The following DGAT1 variants were observed in gnomAD, a reference collection of about 807,000 sequenced individuals.
The protein encoded by DGAT1 is diacylglycerol O-acyltransferase 1.
DGAT1 carries 60 observed loss-of-function variants against 72.6 expected under a neutral mutation model. That is an observed-to-expected ratio of 0.83 (90% CI 0.67 to 1.02). The LOEUF is 1.02. Ranked by LOEUF, DGAT1 falls within the 50% of genes least tolerant of loss-of-function variation. The pLI is 0.00. For synonymous variants in DGAT1, 290 were observed against 267.5 expected, an observed-to-expected ratio of 1.08 and a Z score of -0.82; for missense variants, 592 against 670.0, an observed-to-expected ratio of 0.88 and a Z score of 1.29.
chr8:144,326,493 G>A lies in DGAT1; in HGVS notation c.144C>T (p.Ala48=), dbSNP rs782810872. Residue 48 remains alanine, a synonymous_variant, in exon 1 of 17, where the codon GCC becomes GCT. Coordinates refer to ENST00000528718, the MANE Select transcript of DGAT1 (RefSeq NM_012079.6). ...PDVGAAGDAP[A]PAPNKDGDAG... The stretch of plus-strand genomic sequence containing the variant: ...CGTCTCCGTCCTTGTTGGGGGCCGG[G>A]GCTGGCGCGTCCCCCGCGGCTCCCA... 54 of 1,291,192 alleles carry A rather than the reference G, an allele frequency of 4.2e-5. No individual in the cohort carries two copies. Among genetic ancestry groups the A allele is most frequent in the Non-Finnish European group, 5.1e-5 (52 of 1,015,192 alleles). 80.0% of individuals were successfully genotyped at this position (1,291,192 alleles called of 1,614,324 possible). A position where few individuals can be genotyped will look rare whatever the true frequency, so the allele number is the denominator to read the frequency against.
Position 144,326,537 on chromosome 8 carries a change from C to T in DGAT1, c.100G>A (p.Ala34Thr). Residue 34 changes from alanine (A) to threonine (T), a missense_variant, in exon 1 of 17, where the codon GCC (alanine) becomes ACC (threonine). Coordinates refer to ENST00000528718, the MANE Select transcript of DGAT1 (RefSeq NM_012079.6). ...PAAAEEEVRDAAAGPDVGAAG... is the reference protein window; with the variant it reads ...PAAAEEEVRDTAAGPDVGAAG... ...GCTCCCACGTCGGGGCCCGCAGCGG[C>T]GTCCCGCACCTCCTCTTCCGCCGCC... The T allele has an allele frequency of 3.9e-6, 5 of 1,267,230 alleles. No homozygotes were observed. The highest frequency in any genetic ancestry group is 4.0e-6 in the Non-Finnish European group (4 of 1,005,666). 78.5% of individuals were successfully genotyped at this position (1,267,230 alleles called of 1,614,324 possible). A position where few individuals can be genotyped will look rare whatever the true frequency, so the allele number is the denominator to read the frequency against.
At chr8:144,318,957 G>A (rs947063588) in intron 3 of DGAT1, 37 bp from the exon 4 acceptor site, 3 of 1,578,300 alleles carry the variant, frequency 1.9e-6, no homozygotes, top group Non-Finnish European at 2.6e-6. Flanking sequence ...GTGGGTGGCA[G>A]GTGGGGCTGT....
rs191371257 is a variant in DGAT1 at position 144,318,067 on chromosome 8, C to T, written c.751+28G>A. 2,211 of 1,520,530 alleles carry T rather than the reference C, an allele frequency of 1.5e-3. 32 individuals carry two copies. In the African/African-American group the frequency reaches 0.028, roughly 19 times the overall value. The allele number at this position is 1,520,530 out of a possible 1,614,324, so 94.2% of individuals were successfully genotyped here. On this transcript the variant is annotated intron_variant, in intron 8 of 16. Transcript: ENST00000528718. Reference sequence around the variant, plus strand: ...ACCAGAACAGGCCCAGCCTGTCCCCCGCACCTCAGGCCCACAGAGGTCCTC... The same window carrying T: ...ACCAGAACAGGCCCAGCCTGTCCCCTGCACCTCAGGCCCACAGAGGTCCTC...
intron 1 of DGAT1, 71 bp from the exon 2 acceptor site, chr8:144,321,479 GC>G: frequency 7.1e-7 from 1 of 1,399,750 alleles, no homozygotes. Flanking sequence ...CAGGATCCAG[GC>G]CCCCACCCCA....
At position 144,316,026 on chromosome 8, in the gene DGAT1, G is replaced by A; in HGVS notation, c.*528C>T. 1.3e-6 allele frequency: 1 copy of A among 778,422 alleles called. No homozygotes were observed. Among genetic ancestry groups the A allele is most frequent in the Non-Finnish European group, 1.6e-6 (1 of 639,302 alleles). 48.2% of individuals were successfully genotyped at this position (778,422 alleles called of 1,614,324 possible). A position where few individuals can be genotyped will look rare whatever the true frequency, so the allele number is the denominator to read the frequency against. ...TGCAAGTTGACCATCCTGCACTGAGGGCCAGAGTGCCGATTCCCGCACACC... is the reference window on the plus strand; with the variant it reads ...TGCAAGTTGACCATCCTGCACTGAGAGCCAGAGTGCCGATTCCCGCACACC... On this transcript the variant is annotated 3_prime_UTR_variant, in exon 17 of 17. Transcript: ENST00000528718.
Position 144,326,707 on chromosome 8 carries a change from C to T in DGAT1, c.-71G>A. 9.0e-7 allele frequency: 1 copy of T among 1,111,402 alleles called. No individual in the cohort carries two copies. Among genetic ancestry groups the T allele is most frequent in the African/African-American group, 1.7e-5 (1 of 60,076 alleles). 68.8% of individuals were successfully genotyped at this position (1,111,402 alleles called of 1,614,324 possible). The stretch of plus-strand genomic sequence containing the variant: ...TTCGTAGCGCCCGAGGCGCGCGGCC[C>T]CACCTCCGGGCCCTAGACAACGGCC... On this transcript the variant is annotated 5_prime_UTR_variant, in exon 1 of 17. Transcript: ENST00000528718.
At chr8:144,322,345 A>G (rs1195365268) in intron 1 of DGAT1, among the ~76,000 whole-genome samples, 1 of 152,182 alleles carries the variant, frequency 6.6e-6, no homozygotes, top group Non-Finnish European at 1.5e-5. Context: ...GACACCACAC[A>G]CAGCATTGAG....
At chr8:144,324,022 C>A (rs1179170318) in intron 1 of DGAT1, among the ~76,000 whole-genome samples, 1 of 152,220 alleles carries the variant, frequency 6.6e-6, no homozygotes, top group African/African-American at 2.4e-5. Context: ...GGACAAAACA[C>A]CCTGGGAGAA....
rs782630054 is a variant in DGAT1, at chr8:144,317,353, C to T, written c.1074G>A (p.Arg358=). Reference sequence around the variant, plus strand: ...CTCACCACCAGTCCCGGTAGAACTCCCGGTCTCCAAACTGCATGAGCTCAG... The same window carrying T: ...CTCACCACCAGTCCCGGTAGAACTCTCGGTCTCCAAACTGCATGAGCTCAG... ...AVAELMQFGD[R]EFYRDWWNSE... is the part of the protein sequence containing the mutation. Residue 358 remains arginine, a synonymous_variant, in exon 13 of 17, where the codon CGG becomes CGA. Transcript: ENST00000528718. 8 of 1,613,768 alleles carry T rather than the reference C, an allele frequency of 5.0e-6. 1 individual carries two copies. The highest frequency in any genetic ancestry group is 3.3e-5 in the South Asian group (3 of 91,082).
chr8:144,317,274 G>A (rs1554847256), intron 13 of DGAT1, 22 bp from the exon 14 acceptor site: 3 of 1,611,724 alleles, frequency 1.9e-6, no homozygotes, highest in Non-Finnish European at 2.5e-6. Context: ...GAGACCACAG[G>A]GGGATCAGAG....
intron 1 of DGAT1, 29 bp from the exon 2 acceptor site, chr8:144,321,437 G>A (rs781955510): frequency 2.5e-6 from 4 of 1,608,002 alleles, no homozygotes; most frequent in Middle Eastern, 1.7e-4. Context: ...AGCACCCCCT[G>A]AGTGGGCACC....
chr8:144,319,300 A>T (rs902849406), intron 2 of DGAT1, among the ~76,000 whole-genome samples: 1 of 152,166 alleles, frequency 6.6e-6, no homozygotes, highest in Non-Finnish European at 1.5e-5. Flanking sequence ...ATCACACCAG[A>T]CGGTCCCACA....
intron 1 of DGAT1, among the ~76,000 whole-genome samples, chr8:144,322,920 G>C (rs146752918): frequency 7.2e-5 from 11 of 152,242 alleles, no homozygotes; most frequent in Non-Finnish European, 1.5e-4. Flanking sequence ...CATCTCCCCA[G>C]CCTACTCCAC....
chr8:144,326,454 G>A lies in DGAT1; in HGVS notation c.183C>T (p.Ser61=), dbSNP rs1554848790. ...PNKDGDAGVG[S]GHWELRCHRL... is the part of the protein sequence containing the mutation. Reference sequence around the variant, plus strand: ...TCCGCTACCTCAGCTCCCAGTGGCCGCTGCCCACGCCGGCGTCTCCGTCCT... The same window carrying A: ...TCCGCTACCTCAGCTCCCAGTGGCCACTGCCCACGCCGGCGTCTCCGTCCT... The change falls in exon 1 of 17, where the codon AGC becomes AGT. Residue 61 remains serine (S), a synonymous_variant. Transcript: ENST00000528718. The A allele has an allele frequency of 8.8e-6, 12 of 1,356,296 alleles. No individual in the cohort carries two copies. Among genetic ancestry groups the A allele is most frequent in the East Asian group, 6.2e-5 (2 of 32,094 alleles). 84.0% of individuals were successfully genotyped at this position (1,356,296 alleles called of 1,614,324 possible). A position where few individuals can be genotyped will look rare whatever the true frequency, so the allele number is the denominator to read the frequency against.
In DGAT1 at chr8:144,317,369, A is replaced by C. The variant is rs1220974369; in HGVS notation, c.1058T>G (p.Met353Arg). 3.7e-6 allele frequency: 6 copies of C among 1,613,686 alleles called. No individual in the cohort carries two copies. Among genetic ancestry groups the C allele is most frequent in the Non-Finnish European group, 5.1e-6 (6 of 1,179,978 alleles). Residue 353 changes from methionine to arginine, a missense_variant, in exon 13 of 17, where the codon ATG becomes AGG. Coordinates refer to ENST00000528718, the MANE Select transcript of DGAT1 (RefSeq NM_012079.6). ...GTAGAACTCCCGGTCTCCAAACTGC[A>C]TGAGCTCAGCCACGGCATTCAGGCA... The part of the protein sequence containing the change: ...HSCLNAVAEL[M>R]QFGDREFYRD...
chr8:144,325,243 C>T (rs998539185), intron 1 of DGAT1, among the ~76,000 whole-genome samples: 1 of 152,048 alleles, frequency 6.6e-6, no homozygotes, highest in Non-Finnish European at 1.5e-5. Context: ...GCAAGCACCC[C>T]TCTCAGGAGG....
At chr8:144,321,103 C>T (rs1177996514) in intron 2 of DGAT1, among the ~76,000 whole-genome samples, 17 of 152,230 alleles carry the variant, frequency 1.1e-4, no homozygotes, top group Admixed American at 1.1e-3. Context: ...GGTGCATGGG[C>T]ACCCAAGTGA....
rs1817364769 is a variant in DGAT1, at chr8:144,319,048, T to C, written c.309A>G (p.Leu103=). Residue 103 remains leucine, a synonymous_variant, in exon 3 of 17, where the codon TTA becomes TTG. Transcript: ENST00000528718. ...VVMLILSNAR[L]FLENLIKYGI... ...CTCACTTGATGAGGTTCTCCAGAAA[T>C]AACCGGGCATTGCTCAAGATCTGCG... 2 of 1,556,956 alleles carry C rather than the reference T, an allele frequency of 1.3e-6. No individual in the cohort carries two copies. The highest frequency in any genetic ancestry group is 2.4e-5 in the East Asian group (1 of 41,404).
chr8:144,317,719 A>G lies in DGAT1; in HGVS notation c.895-7T>C. On this transcript the variant is annotated splice_polypyrimidine_tract_variant and splice_region_variant and intron_variant, in intron 10 of 16. Transcript: ENST00000528718. ...GGATGGTGGGGACCATCCACTGCAA[A>G]GGAGGGCACCACGTCAGCTCCCAGC... 6.2e-7 allele frequency: 1 copy of G among 1,613,732 alleles called. No individual in the cohort carries two copies. The highest frequency in any genetic ancestry group is 8.5e-7 in the Non-Finnish European group (1 of 1,179,942).
Sources: allele counts gnomAD v4.1 joint callset (sites outside exome capture counted in the v4.1 genomes callset), GRCh38; gene constraint gnomAD v4.1.1; transcripts MANE v1.5; gene names NCBI Gene and HGNC (gene_info 2026-07-23, HGNC 2026-07-21).